The following FGF12 variants were observed in gnomAD, a reference collection of about 807,000 sequenced individuals.
FGF12 encodes fibroblast growth factor 12B.
In FGF12, 14 loss-of-function variants were observed where a neutral mutation model predicts 23.6. The observed-to-expected ratio is 0.59, with a 90% CI of 0.39 to 0.93. The LOEUF (loss-of-function observed/expected upper bound fraction) is 0.93, where lower values mean the gene tolerates loss of function less well. Among genes scored for constraint, FGF12 ranks in the 40% least tolerant of loss-of-function variants. FGF12 has a pLI of 0.00. For synonymous variants in FGF12, 62 were observed against 77.3 expected (o/e 0.80, Z 1.04); for missense variants, 175 against 217.8 (o/e 0.80, Z 1.24).
chr3:192,409,078 G>A lies in FGF12; in HGVS notation c.14-48540C>T. ...AAGAGAGCGGGAGGCGAGGGAGGGG[G>A]GAGGGCGCGAGGGAGGGAGGGAGAT... On this transcript the variant is annotated intron_variant, in intron 2 of 5. Transcript: ENST00000445105. This position sits in a 1 kb window ranked among gnomAD's most constrained non-coding sequence, Gnocchi z 4.8. 1.4e-6 allele frequency: 1 copy of A among 712,362 alleles called. No homozygotes were observed. The highest frequency in any genetic ancestry group is 1.7e-6 in the Non-Finnish European group (1 of 580,834). The allele number at this position is 712,362 out of a possible 1,614,324, so 44.1% of individuals were successfully genotyped here. A position where few individuals can be genotyped will look rare whatever the true frequency, so the allele number is the denominator to read the frequency against.
intron 2 of FGF12, among the ~76,000 whole-genome samples, chr3:192,548,265 A>G (rs1725544498): frequency 6.6e-6 from 1 of 152,168 alleles, no homozygotes; most frequent in African/African-American, 2.4e-5. Flanking sequence ...AGCAACTTAA[A>G]GTCCTTAATT....
At chr3:192,553,606 G>A (rs1303456537) in intron 2 of FGF12, among the ~76,000 whole-genome samples, 1 of 152,082 alleles carries the variant, frequency 6.6e-6, no homozygotes, top group Non-Finnish European at 1.5e-5. Flanking sequence ...CCATAAACCA[G>A]TTATGAGGTT....
intron 2 of FGF12, among the ~76,000 whole-genome samples, chr3:192,621,920 G>A (rs553791971): frequency 2.6e-5 from 4 of 152,208 alleles, no homozygotes; most frequent in South Asian, 2.1e-4. Flanking sequence ...ACCCTGTGAC[G>A]AGAAGTCAAA....
At chr3:192,486,350 T>C (rs1175101845) in intron 2 of FGF12, among the ~76,000 whole-genome samples, 1 of 152,116 alleles carries the variant, frequency 6.6e-6, no homozygotes, top group African/African-American at 2.4e-5. Context: ...AATGGTCCTG[T>C]GGCAAACAGA....
intron 2 of FGF12, among the ~76,000 whole-genome samples, chr3:192,707,204 T>G (rs1718498133): frequency 6.6e-6 from 1 of 152,174 alleles, no homozygotes; most frequent in African/African-American, 2.4e-5. Flanking sequence ...CCCTTTGAAC[T>G]GATGCAGAAG....
chr3:192,652,333 T>A (rs1716244357), intron 2 of FGF12, among the ~76,000 whole-genome samples: 1 of 151,852 alleles, frequency 6.6e-6, no homozygotes. Flanking sequence ...CGTGCCAACA[T>A]GGAAAGAAGA....
At chr3:192,664,476 C>T (rs1042319824) in intron 2 of FGF12, among the ~76,000 whole-genome samples, 5 of 151,900 alleles carry the variant, frequency 3.3e-5, no homozygotes, top group Non-Finnish European at 5.9e-5. Flanking sequence ...AGGCGGGGCA[C>T]GGTGGCTCAC....
At chr3:192,256,669 T>A (rs1712416382) in intron 4 of FGF12, among the ~76,000 whole-genome samples, 1 of 152,138 alleles carries the variant, frequency 6.6e-6, no homozygotes, top group Admixed American at 6.6e-5. Context: ...TAGACTGAAA[T>A]GAAATAGATT....
chr3:192,582,051 T>G (rs1713179286), intron 2 of FGF12, among the ~76,000 whole-genome samples: 1 of 152,188 alleles, frequency 6.6e-6, no homozygotes, highest in African/African-American at 2.4e-5. Context: ...GTAGAGTCTT[T>G]CCAAACTCTT....
At chr3:192,692,983 A>T (rs1224351926) in intron 2 of FGF12, among the ~76,000 whole-genome samples, 1 of 152,100 alleles carries the variant, frequency 6.6e-6, no homozygotes, top group East Asian at 1.9e-4. Context: ...AAAGAAAAAA[A>T]AAAATAAAAG....
intron 2 of FGF12, among the ~76,000 whole-genome samples, chr3:192,533,116 A>T (rs1228020267): frequency 6.6e-6 from 1 of 152,186 alleles, no homozygotes; most frequent in Non-Finnish European, 1.5e-5. Flanking sequence ...TTTGATAAAA[A>T]CTGGTTGAAT....
At chr3:192,627,802 C>T (rs921115108) in intron 2 of FGF12, among the ~76,000 whole-genome samples, 3 of 151,768 alleles carry the variant, frequency 2.0e-5, no homozygotes, top group Non-Finnish European at 2.9e-5. Flanking sequence ...AAGATATTAA[C>T]ATTTATATAA....
At chr3:192,546,542 T>A (rs1725499195) in intron 2 of FGF12, among the ~76,000 whole-genome samples, 1 of 151,760 alleles carries the variant, frequency 6.6e-6, no homozygotes, top group Non-Finnish European at 1.5e-5. Context: ...AAACCACAAC[T>A]GGAGAATAAG....
At chr3:192,365,343 C>T (rs1718929667) in intron 2 of FGF12, among the ~76,000 whole-genome samples, 2 of 149,312 alleles carry the variant, frequency 1.3e-5, no homozygotes, top group African/African-American at 4.9e-5. Context: ...TCTAAAAAGA[C>T]ATAACAACTA....
intron 2 of FGF12, among the ~76,000 whole-genome samples, chr3:192,423,202 C>A (rs554247847): frequency 4.4e-4 from 67 of 152,154 alleles, no homozygotes; most frequent in African/African-American, 1.4e-3. Flanking sequence ...GTTAGAGAGC[C>A]CCCTGTTGCA....
At chr3:192,515,882 AATG>A (rs1724653872) in intron 2 of FGF12, among the ~76,000 whole-genome samples, 1 of 150,074 alleles carries the variant, frequency 6.7e-6, no homozygotes, top group South Asian at 2.1e-4. Flanking sequence ...TTGGAAGTGC[AATG>A]AGTAAGCATG....
chr3:192,222,254 C>T (rs1385747076), intron 4 of FGF12, among the ~76,000 whole-genome samples: 3 of 152,060 alleles, frequency 2.0e-5, no homozygotes, highest in African/African-American at 7.2e-5. Flanking sequence ...CAACAAAGAA[C>T]GCTGAAATAC....
chr3:192,394,592 G>A (rs1576944849), intron 2 of FGF12, among the ~76,000 whole-genome samples: 1 of 152,164 alleles, frequency 6.6e-6, no homozygotes, highest in South Asian at 2.1e-4. Flanking sequence ...ACCCTTTCAT[G>A]CTGAAAATAA....
At chr3:192,550,635 T>C (rs1001453580) in intron 2 of FGF12, among the ~76,000 whole-genome samples, 1 of 151,902 alleles carries the variant, frequency 6.6e-6, no homozygotes, top group African/African-American at 2.4e-5. Flanking sequence ...AGGTAGGGTA[T>C]AGTTTTAAAA....
Sources: allele counts gnomAD v4.1 joint callset (sites outside exome capture counted in the v4.1 genomes callset), GRCh38; gene constraint gnomAD v4.1.1; non-coding constraint Gnocchi (gnomAD v3.1); transcripts MANE v1.5; gene names NCBI Gene and HGNC (gene_info 2026-07-23, HGNC 2026-07-21).